Variants in FRMD4A observed in about 807,000 individuals in gnomAD.
FRMD4A encodes FERM domain containing 4A.
A neutral mutation model predicts 129.1 loss-of-function variants in FRMD4A; 29 were observed. The observed-to-expected ratio is 0.22, with a 90% CI of 0.17 to 0.31. FRMD4A has a LOEUF of 0.31. FRMD4A is among the 10% of genes least tolerant of loss of function. FRMD4A has a pLI of 1.00. For missense variants in FRMD4A, 1,272 were observed against 1,375.8 expected, an observed-to-expected ratio of 0.92 and a Z score of 1.19; for synonymous variants, 634 against 571.6, an observed-to-expected ratio of 1.11 and a Z score of -1.56.
chr10:14,101,998 C>A (rs1837329734), intron 2 of FRMD4A, among the ~76,000 whole-genome samples: 4 of 152,098 alleles, frequency 2.6e-5, no homozygotes, highest in Admixed American at 2.6e-4. Flanking sequence ...GGATTTAAGT[C>A]CAACCCGTAG....
intron 2 of FRMD4A, among the ~76,000 whole-genome samples, chr10:14,128,489 T>C (rs955165709): frequency 2.6e-5 from 4 of 152,194 alleles, no homozygotes; most frequent in Non-Finnish European, 5.9e-5. Context: ...GCAAGCCCTA[T>C]TAGCATAGCC....
intron 2 of FRMD4A, among the ~76,000 whole-genome samples, chr10:14,288,934 G>A (rs780375811): frequency 1.8e-4 from 28 of 152,252 alleles, no homozygotes; most frequent in Non-Finnish European, 3.5e-4. Flanking sequence ...GTTCATCCAT[G>A]TTGTTGCATA....
In FRMD4A at chr10:13,884,144, T is replaced by TCACACACACACA. The variant is rs773933481; in HGVS notation, c.46-25233_46-25232insTGTGTGTGTGTG. ...CACTCACACACACGCTCACACACACTCTCACACACTCTCACACACACACTC... is the reference window on the plus strand; with the variant it reads ...CACTCACACACACGCTCACACACACTCACACACACACACTCACACACTCTCACACACACACTC... On this transcript the variant is annotated intron_variant, in intron 2 of 24. Coordinates refer to ENST00000357447, the MANE Select transcript of FRMD4A (RefSeq NM_018027.5). Among the ~76,000 whole-genome samples, 7 of 105,156 alleles carry TCACACACACACA rather than the reference T, an allele frequency of 6.7e-5. No homozygotes were observed. The East Asian group carries it at 8.5e-4, about 13-fold the overall frequency. 69.0% of individuals were successfully genotyped at this position (105,156 alleles called of 152,430 possible).
chr10:13,696,831 G>C (rs755459583), intron 14 of FRMD4A, among the ~76,000 whole-genome samples: 17 of 152,130 alleles, frequency 1.1e-4, no homozygotes, highest in Non-Finnish European at 2.2e-4. Flanking sequence ...CTGATTCTCA[G>C]ATACATGTTT....
intron 2 of FRMD4A, among the ~76,000 whole-genome samples, chr10:14,209,586 TG>T (rs1842879666): frequency 1.3e-5 from 2 of 152,012 alleles, no homozygotes; most frequent in Non-Finnish European, 2.9e-5. Context: ...CCGGGCATGG[TG>T]GTGGGCACCT....
At chr10:13,952,660 G>A (rs937953711) in intron 2 of FRMD4A, among the ~76,000 whole-genome samples, 1 of 152,048 alleles carries the variant, frequency 6.6e-6, no homozygotes, top group Non-Finnish European at 1.5e-5. Flanking sequence ...TTACTGAGAG[G>A]TAGTTGCAAA....
At position 13,821,727 on chromosome 10, in the gene FRMD4A, A is replaced by C. The variant is rs1162912332; in HGVS notation, c.112-10819T>G. ...AATTCACACAGCGAATCAGTGGGAG[A>C]ACTGAACCGCGGCACACAGGTGGGC... On this transcript the variant is annotated intron_variant, in intron 3 of 24. Coordinates refer to ENST00000357447, the MANE Select transcript of FRMD4A (RefSeq NM_018027.5). The surrounding 1 kb of genome is among the most constrained non-coding windows in gnomAD (Gnocchi z 4.3). Among the ~76,000 whole-genome samples the C allele has an allele frequency of 6.6e-6, 1 of 152,144 alleles. No individual in the cohort carries two copies. Among genetic ancestry groups the C allele is most frequent in the African/African-American group, 2.4e-5 (1 of 41,422 alleles).
At chr10:13,770,042 T>C (rs1173879306) in intron 6 of FRMD4A, among the ~76,000 whole-genome samples, 1 of 152,190 alleles carries the variant, frequency 6.6e-6, no homozygotes, top group Non-Finnish European at 1.5e-5. Context: ...ATATATATCC[T>C]ATCGGTTCTG....
intron 2 of FRMD4A, among the ~76,000 whole-genome samples, chr10:13,927,137 A>G (rs1343044732): frequency 1.3e-5 from 2 of 152,098 alleles, no homozygotes; most frequent in Non-Finnish European, 2.9e-5. Context: ...CACACCTGTA[A>G]TCCCAGCTAC....
chr10:13,678,587 C>T (rs894982790), intron 15 of FRMD4A, among the ~76,000 whole-genome samples: 1 of 152,232 alleles, frequency 6.6e-6, no homozygotes, highest in Non-Finnish European at 1.5e-5. Flanking sequence ...GCAGGTTGAA[C>T]ATGAGCATGT....
At chr10:14,279,809 C>T (rs745403202) in intron 2 of FRMD4A, among the ~76,000 whole-genome samples, 6 of 152,196 alleles carry the variant, frequency 3.9e-5, no homozygotes, top group Admixed American at 6.5e-5. Context: ...CTCAAAGAGA[C>T]GGAAGTCCAA....
intron 2 of FRMD4A, among the ~76,000 whole-genome samples, chr10:14,061,166 G>A (rs1355436057): frequency 6.6e-6 from 1 of 152,188 alleles, no homozygotes; most frequent in African/African-American, 2.4e-5. Context: ...AGCACATTTA[G>A]GCCGGGCGTA....
intron 2 of FRMD4A, among the ~76,000 whole-genome samples, chr10:14,067,703 G>GCTACT (rs374345157): frequency 1.2e-4 from 18 of 152,320 alleles, no homozygotes; most frequent in African/African-American, 4.3e-4. Context: ...CGTAGTCCCA[G>GCTACT]CTACTCGGGA....
At chr10:14,171,451 T>G (rs1012054632) in intron 2 of FRMD4A, among the ~76,000 whole-genome samples, 2 of 152,172 alleles carry the variant, frequency 1.3e-5, no homozygotes, top group African/African-American at 4.8e-5. Context: ...GCACTAACTG[T>G]GATTAGGGGA....
chr10:13,653,967 G>C lies in FRMD4A; in HGVS notation c.3050+449C>G, dbSNP rs79894444. On this transcript the variant is annotated intron_variant, in intron 23 of 24. Coordinates refer to ENST00000357447, the MANE Select transcript of FRMD4A (RefSeq NM_018027.5). ...AGAGCAAGTGCTTGGCCAGGACACA[G>C]CCCTTTTTCTTGCACCCTGAGACAT... 9.0e-3 allele frequency: 2,127 copies of C among 236,706 alleles called. 53 individuals are homozygous for C. The highest frequency in any genetic ancestry group is 0.044 in the African/African-American group (1,960 of 44,304). The allele number at this position is 236,706 out of a possible 1,614,324, so 14.7% of individuals were successfully genotyped here.
chr10:14,292,941 CA>C (rs1845894459), intron 2 of FRMD4A, among the ~76,000 whole-genome samples: 1 of 151,886 alleles, frequency 6.6e-6, no homozygotes, highest in South Asian at 2.1e-4. Flanking sequence ...TTCTGTTCAC[CA>C]AAAGGTATTA....
intron 2 of FRMD4A, among the ~76,000 whole-genome samples, chr10:13,961,889 G>A (rs577335837): frequency 1.3e-5 from 2 of 151,896 alleles, no homozygotes; most frequent in South Asian, 2.1e-4. Flanking sequence ...GCACATAGAG[G>A]GTGTTCATTA....
chr10:14,280,631 G>A (rs905499306), intron 2 of FRMD4A, among the ~76,000 whole-genome samples: 1 of 152,202 alleles, frequency 6.6e-6, no homozygotes, highest in Non-Finnish European at 1.5e-5. Flanking sequence ...TTGTCCTTCT[G>A]TCTTGCCAGA....
intron 2 of FRMD4A, among the ~76,000 whole-genome samples, chr10:14,273,470 A>G (rs899462330): frequency 2.0e-5 from 3 of 152,244 alleles, no homozygotes; most frequent in Non-Finnish European, 4.4e-5. Context: ...CAAATGAAAT[A>G]TTAAAATTAG....
Sources: allele counts gnomAD v4.1 joint callset (sites outside exome capture counted in the v4.1 genomes callset), GRCh38; gene constraint gnomAD v4.1.1; non-coding constraint Gnocchi (gnomAD v3.1); transcripts MANE v1.5; gene names NCBI Gene and HGNC (gene_info 2026-07-23, HGNC 2026-07-21).